Variants in DHRSX observed in about 807,000 individuals in gnomAD.
The protein encoded by DHRSX is dehydrogenase/reductase X-linked, also known as polyprenol dehydrogenase.
A neutral mutation model predicts 34.0 loss-of-function variants in DHRSX; 31 were observed. The ratio of observed to expected loss-of-function variants is 0.91; its 90% CI spans 0.69 to 1.23. The LOEUF is 1.23. Among genes scored for constraint, DHRSX ranks in the 50% most tolerant of loss-of-function variants. The pLI is 0.00. For synonymous variants in DHRSX, 201 were observed against 183.8 expected, an observed-to-expected ratio of 1.09 and a Z score of -0.76; for missense variants, 414 against 428.1, an observed-to-expected ratio of 0.97 and a Z score of 0.29.
chrX:2,370,180 C>CTT (rs200162307), intron 3 of DHRSX, among the ~76,000 whole-genome samples: 39 of 150,720 alleles, frequency 2.6e-4, no homozygotes, highest in Admixed American at 1.1e-3. Flanking sequence ...CCCAGTTCGT[C>CTT]TTTTTTTTTG....
chrX:2,331,197 T>C (rs2042467686), intron 3 of DHRSX, among the ~76,000 whole-genome samples: 1 of 152,122 alleles, frequency 6.6e-6, no homozygotes, highest in Non-Finnish European at 1.5e-5. Context: ...ATTCCAGTTT[T>C]ATCATGAGAT....
intron 6 of DHRSX, among the ~76,000 whole-genome samples, chrX:2,224,881 GCA>G (rs1485578171): frequency 4.4e-5 from 6 of 135,276 alleles, no homozygotes; most frequent in South Asian, 2.6e-4. Flanking sequence ...CAGCTCACAC[GCA>G]CACATGCTCA....
chrX:2,248,613 C>CAAAAAAAAAA (rs1357827255), intron 5 of DHRSX, among the ~76,000 whole-genome samples: 6 of 17,512 alleles, frequency 3.4e-4, no homozygotes, highest in African/African-American at 6.9e-4. Context: ...GACTCTGTCT[C>CAAAAAAAAAA]AAAAAAAAAA....
At chrX:2,395,246 CCA>C (rs2043394993) in intron 3 of DHRSX, among the ~76,000 whole-genome samples, 1 of 152,056 alleles carries the variant, frequency 6.6e-6, no homozygotes, top group East Asian at 1.9e-4. Context: ...GCTCTCCAGC[CCA>C]CCTGCACTCT....
chrX:2,335,351 T>C (rs1602964224), intron 3 of DHRSX, among the ~76,000 whole-genome samples: 2 of 151,974 alleles, frequency 1.3e-5, no homozygotes, highest in Non-Finnish European at 2.9e-5. Context: ...AGAGGTACAC[T>C]GGTTCCATCC....
Position 2,500,884 on chromosome X carries a change from G to T in DHRSX, c.42C>A (p.Tyr14Ter), listed in dbSNP as rs990767212. The T allele has an allele frequency of 2.6e-6, 3 of 1,150,382 alleles. No homozygotes were observed. The highest frequency in any genetic ancestry group is 4.4e-5 in the Admixed American group (1 of 22,618). 71.3% of individuals were successfully genotyped at this position (1,150,382 alleles called of 1,614,324 possible). A position where few individuals can be genotyped will look rare whatever the true frequency, so the allele number is the denominator to read the frequency against. The change falls in exon 1 of 7, where the codon TAC becomes TAA. Residue 14 changes from tyrosine (Y) to a stop codon, truncating the protein, a stop_gained. Coordinates refer to ENST00000334651, the MANE Select transcript of DHRSX (RefSeq NM_145177.3). LOFTEE classifies it high-confidence loss of function. Reference protein sequence around the residue: ...LSAARAALRVYAVGAAVILAQ... With the variant: ...LSAARAALRV ...CCAGGATCACCGCGGCGCCTACCGC[G>T]TAGACCCGCAGGGCCGCCCGCGCCG... is the stretch of plus-strand genomic sequence containing the variant.
intron 6 of DHRSX, among the ~76,000 whole-genome samples, chrX:2,237,017 C>T (rs759911035): frequency 2.6e-5 from 4 of 151,840 alleles, no homozygotes; most frequent in South Asian, 4.2e-4. Flanking sequence ...ATCGAAACCC[C>T]GTCTCTACTG....
At chrX:2,385,515 G>T (rs1294364614) in intron 3 of DHRSX, among the ~76,000 whole-genome samples, 1 of 152,108 alleles carries the variant, frequency 6.6e-6, no homozygotes, top group Non-Finnish European at 1.5e-5. Flanking sequence ...CAATCAATCA[G>T]CCTTAGGAGG....
intron 1 of DHRSX, among the ~76,000 whole-genome samples, chrX:2,491,479 T>A (rs771308326): frequency 6.6e-6 from 1 of 152,092 alleles, no homozygotes; most frequent in Non-Finnish European, 1.5e-5. Flanking sequence ...GAAGCCTACA[T>A]AGAAGAATCC....
intron 3 of DHRSX, among the ~76,000 whole-genome samples, chrX:2,294,579 C>A (rs374314009): frequency 6.6e-6 from 1 of 151,352 alleles, no homozygotes; most frequent in Non-Finnish European, 1.5e-5. Context: ...GCAGGAGAAT[C>A]GCATGAACCT....
intron 3 of DHRSX, among the ~76,000 whole-genome samples, chrX:2,407,286 C>G (rs1368811254): frequency 6.6e-6 from 1 of 152,146 alleles, no homozygotes; most frequent in Admixed American, 6.5e-5. Context: ...AAAGCGTGGG[C>G]TAGGGGATGG....
intron 3 of DHRSX, among the ~76,000 whole-genome samples, chrX:2,373,274 C>T (rs1174051528): frequency 8.5e-5 from 13 of 152,210 alleles, no homozygotes; most frequent in Admixed American, 1.3e-4. Flanking sequence ...TTCCAGGTGC[C>T]ATGTGGGTGG....
chrX:2,479,128 C>T lies in DHRSX; in HGVS notation c.109+21689G>A, dbSNP rs189925864. ...CAGCCATGTACATACTGAAGATGTT[C>T]GCTAACAATGCAGCCAAAGGACTGC... On this transcript the variant is annotated intron_variant, in intron 1 of 6. Coordinates refer to ENST00000334651, the MANE Select transcript of DHRSX (RefSeq NM_145177.3). 8.6e-4 allele frequency among the ~76,000 whole-genome samples: 131 copies of T among 151,696 alleles called. 1 individual carries two copies. Among genetic ancestry groups the T allele is most frequent in the African/African-American group, 2.5e-3 (104 of 41,344 alleles).
chrX:2,314,714 G>A (rs758284988), intron 3 of DHRSX, among the ~76,000 whole-genome samples: 1 of 152,154 alleles, frequency 6.6e-6, no homozygotes, highest in Non-Finnish European at 1.5e-5. Context: ...GAGAACTCAT[G>A]GTTTGTAAAG....
chrX:2,262,062 C>T (rs1264681043), intron 5 of DHRSX, among the ~76,000 whole-genome samples: 8 of 152,168 alleles, frequency 5.3e-5, no homozygotes, highest in East Asian at 1.9e-4. Context: ...CAGCAGGCTC[C>T]GTGTGTGGAG....
chrX:2,473,167 G>C lies in DHRSX; in HGVS notation c.109+27650C>G, dbSNP rs139479712. Among the ~76,000 whole-genome samples, 340 of 152,332 alleles carry C rather than the reference G, an allele frequency of 2.2e-3. 1 individual carries two copies. Among genetic ancestry groups the C allele is most frequent in the African/African-American group, 7.4e-3 (309 of 41,576 alleles). ...GCCACAGGGGTGACCCCAGAAACAAGAGACAGGACTGTTACAGGGACAACA... is the reference window on the plus strand; with the variant it reads ...GCCACAGGGGTGACCCCAGAAACAACAGACAGGACTGTTACAGGGACAACA... On this transcript the variant is annotated intron_variant, in intron 1 of 6. Transcript: ENST00000334651.
chrX:2,374,023 C>CA lies in DHRSX; in HGVS notation c.286+34721dup, dbSNP rs1013333331. Among the ~76,000 whole-genome samples the CA allele has an allele frequency of 3.3e-5, 5 of 152,054 alleles. No homozygotes were observed. In the South Asian group the frequency reaches 8.3e-4, roughly 25 times the overall value. ...GAAACAGTCGTGCATGGAATGAGGA[C>CA]AAAAAAAGACCTCTGCACCTGCACA... On this transcript the variant is annotated intron_variant, in intron 3 of 6. Coordinates refer to ENST00000334651, the MANE Select transcript of DHRSX (RefSeq NM_145177.3).
At chrX:2,384,185 C>G (rs2043244560) in intron 3 of DHRSX, among the ~76,000 whole-genome samples, 1 of 152,014 alleles carries the variant, frequency 6.6e-6, no homozygotes, top group African/African-American at 2.4e-5. Context: ...GAGAGGAATG[C>G]CAAGGTGGAG....
In DHRSX at chrX:2,410,080, T is replaced by C. The variant is rs150540133; in HGVS notation, c.218-1267A>G. Among the ~76,000 whole-genome samples the C allele has an allele frequency of 1.7e-3, 262 of 152,248 alleles. 8 individuals are homozygous for C. In the East Asian group the frequency reaches 0.049, roughly 29 times the overall value. On this transcript the variant is annotated intron_variant, in intron 2 of 6. Transcript: ENST00000334651. Reference sequence around the variant, plus strand: ...TGAACATGCGTTGAACAGGAGACTATAGTTTGATGTTGTCTTCGTCATTTT... The same window carrying C: ...TGAACATGCGTTGAACAGGAGACTACAGTTTGATGTTGTCTTCGTCATTTT...
Sources: gnomAD v4.1 joint callset for allele counts (sites outside exome capture counted in the v4.1 genomes callset) on GRCh38, gnomAD v4.1.1 for gene constraint, MANE v1.5 for transcripts, NCBI Gene and HGNC (gene_info 2026-07-23, HGNC 2026-07-21) for gene names.